Variants in MALRD1 observed in about 807,000 individuals in gnomAD.
The protein encoded by MALRD1 is MAM and LDL receptor class A domain containing 1.
MALRD1 carries 247 observed loss-of-function variants against 242.1 expected under a neutral mutation model. That is an observed-to-expected ratio of 1.02 (90% CI 0.92 to 1.13). The LOEUF (loss-of-function observed/expected upper bound fraction) is 1.13. Ranked by LOEUF, MALRD1 falls within the 50% of genes most tolerant of loss-of-function variation. The pLI is 0.00. For synonymous variants in MALRD1, 995 were observed against 866.6 expected, an observed-to-expected ratio of 1.15 and a Z score of -2.60; for missense variants, 2,989 against 2,533.1, an observed-to-expected ratio of 1.18 and a Z score of -3.86.
chr10:19,531,056 A>G (rs375521097), intron 31 of MALRD1, 138 bp from the exon 32 acceptor site: 1 of 669,566 alleles, frequency 1.5e-6, no homozygotes, highest in East Asian at 2.9e-5. Context: ...TTGATATATG[A>G]CTCCCAAAAT....
chr10:19,543,334 G>C (rs1367057418), intron 32 of MALRD1, among the ~76,000 whole-genome samples: 1 of 150,646 alleles, frequency 6.6e-6, no homozygotes, highest in African/African-American at 2.4e-5. Context: ...TGCAATCACA[G>C]CTCACTGCAG....
At chr10:19,216,691 A>G (rs1454300836) in intron 18 of MALRD1, among the ~76,000 whole-genome samples, 1 of 151,240 alleles carries the variant, frequency 6.6e-6, no homozygotes, top group Non-Finnish European at 1.5e-5. Context: ...CACGCCTGTA[A>G]TCCCAGCACT....
chr10:19,713,645 G>A (rs1230845366), intron 38 of MALRD1, among the ~76,000 whole-genome samples: 1 of 152,204 alleles, frequency 6.6e-6, no homozygotes, highest in Non-Finnish European at 1.5e-5. Context: ...CAACCCAAGA[G>A]ATTATATGTC....
At chr10:19,494,119 C>T (rs982286029) in intron 30 of MALRD1, among the ~76,000 whole-genome samples, 5 of 152,180 alleles carry the variant, frequency 3.3e-5, no homozygotes, top group Admixed American at 6.5e-5. Context: ...CTGACCACTG[C>T]ACTTAGCGCC....
Position 19,368,897 on chromosome 10 carries a change from G to T in MALRD1, c.4441+16600G>T, listed in dbSNP as rs996692250. 3.4e-3 allele frequency among the ~76,000 whole-genome samples: 496 copies of T among 145,656 alleles called. 4 individuals carry two copies. The highest frequency in any genetic ancestry group is 0.012 in the African/African-American group (477 of 39,090). ...TGTGTGTGTGTGTGTGTGTTTGTGT[G>T]TGTGTGTGTGTGTGTGTGTGTGTGT... On this transcript the variant is annotated intron_variant, in intron 26 of 39. Coordinates refer to ENST00000454679, the MANE Select transcript of MALRD1 (RefSeq NM_001142308.3).
chr10:19,525,694 G>A (rs1488014747), intron 31 of MALRD1, among the ~76,000 whole-genome samples: 4 of 152,148 alleles, frequency 2.6e-5, no homozygotes, highest in Admixed American at 6.5e-5. Flanking sequence ...AAGCAAAAGT[G>A]AAGTATTAAA....
intron 36 of MALRD1, among the ~76,000 whole-genome samples, chr10:19,683,217 T>C (rs1210852819): frequency 6.6e-6 from 1 of 152,186 alleles, no homozygotes; most frequent in African/African-American, 2.4e-5. Context: ...TTTTTACTCT[T>C]TCTAAGTCTT....
intron 28 of MALRD1, among the ~76,000 whole-genome samples, chr10:19,446,495 T>G (rs1157166591): frequency 6.6e-6 from 1 of 152,238 alleles, no homozygotes; most frequent in African/African-American, 2.4e-5. Flanking sequence ...TTCAAACATA[T>G]GAAATGGAAC....
intron 36 of MALRD1, among the ~76,000 whole-genome samples, chr10:19,650,850 A>G (rs1255001711): frequency 6.6e-6 from 1 of 152,162 alleles, no homozygotes; most frequent in Non-Finnish European, 1.5e-5. Flanking sequence ...GTTTAGTATC[A>G]GCGGTTTAGC....
chr10:19,189,555 TC>T lies in MALRD1; in HGVS notation c.1952-14172del, dbSNP rs536548085. ...CTTTATGATCGTTTATGCAAAATCC[TC>T]AACAAAATATTAGCAAAGTTATTTC... On this transcript the variant is annotated intron_variant, in intron 14 of 39. Coordinates refer to ENST00000454679, the MANE Select transcript of MALRD1 (RefSeq NM_001142308.3). Among the ~76,000 whole-genome samples, 250 of 152,236 alleles carry T rather than the reference TC, an allele frequency of 1.6e-3. 1 individual carries two copies. The highest frequency in any genetic ancestry group is 3.2e-3 in the Non-Finnish European group (215 of 68,002).
rs1162705957 is a variant in MALRD1, at chr10:19,530,366, A to AATATTTATATAAATATTAT, written c.5321-796_5321-778dup. 1.8e-4 allele frequency among the ~76,000 whole-genome samples: 19 copies of AATATTTATATAAATATTAT among 106,992 alleles called. 1 individual carries two copies. The highest frequency in any genetic ancestry group is 2.5e-4 in the Non-Finnish European group (15 of 60,954). The allele number at this position is 106,992 out of a possible 152,430, so 70.2% of individuals were successfully genotyped here. On this transcript the variant is annotated intron_variant, in intron 31 of 39. Coordinates refer to ENST00000454679, the MANE Select transcript of MALRD1 (RefSeq NM_001142308.3). Reference sequence around the variant, plus strand: ...TATATAAATATATAATATTTATATAAATATTTATATAAATATTATATATTT... The same window carrying AATATTTATATAAATATTAT: ...TATATAAATATATAATATTTATATAAATATTTATATAAATATTATATATTTATATAAATATTATATATTT...
At chr10:19,331,145 G>A (rs758393134) in intron 23 of MALRD1, among the ~76,000 whole-genome samples, 2 of 152,100 alleles carry the variant, frequency 1.3e-5, no homozygotes, top group Non-Finnish European at 2.9e-5. Flanking sequence ...TAAGCCAGTG[G>A]TGTTGCCACT....
In MALRD1 at chr10:19,054,649, G is replaced by C. The variant is rs1834608638; in HGVS notation, c.199+5512G>C. On this transcript the variant is annotated intron_variant, in intron 1 of 39. Transcript: ENST00000454679. ...TTTAGTTTCCACATGTAGTGAGATT[G>C]TGTGGTATTTGTCTTTTGGTGCCTG... Among the ~76,000 whole-genome samples, 5 of 152,126 alleles carry C rather than the reference G, an allele frequency of 3.3e-5. No individual in the cohort carries two copies. The South Asian group carries it at 1.0e-3, about 32-fold the overall frequency.
At chr10:19,195,068 C>T (rs139364237) in intron 14 of MALRD1, among the ~76,000 whole-genome samples, 68 of 152,288 alleles carry the variant, frequency 4.5e-4, no homozygotes, top group African/African-American at 1.6e-3. Flanking sequence ...ATCCTTTTGT[C>T]CAGTGTATTC....
At chr10:19,128,144 A>G in intron 7 of MALRD1, 77 bp from the exon 8 acceptor site, 2 of 1,080,862 alleles carry the variant, frequency 1.9e-6, no homozygotes, top group Non-Finnish European at 2.4e-6. Flanking sequence ...TGAAAACTTC[A>G]GAAATGTAAT....
intron 18 of MALRD1, among the ~76,000 whole-genome samples, chr10:19,226,709 C>T (rs1232842090): frequency 6.6e-6 from 1 of 151,934 alleles, no homozygotes; most frequent in African/African-American, 2.4e-5. Context: ...AAATAAGTGA[C>T]ACCCAAGTTG....
chr10:19,595,121 C>A, intron 33 of MALRD1, 73 bp from the exon 34 acceptor site: 2 of 1,365,904 alleles, frequency 1.5e-6, no homozygotes, highest in South Asian at 1.6e-5. Flanking sequence ...AGAAATGCAA[C>A]CTGTAATGTC....
chr10:19,403,093 T>C (rs1018677098), intron 28 of MALRD1, among the ~76,000 whole-genome samples: 2 of 152,012 alleles, frequency 1.3e-5, no homozygotes, highest in African/African-American at 2.4e-5. Flanking sequence ...ATTTACAAAG[T>C]GGAAGATTTA....
chr10:19,347,035 A>G lies in MALRD1; in HGVS notation c.3902-736A>G, dbSNP rs140357770. ...TCCTAAATATATAAATGTATAAGGT[A>G]TGACACCTTCATACAACAATGCTCA... On this transcript the variant is annotated intron_variant, in intron 24 of 39. Coordinates refer to ENST00000454679, the MANE Select transcript of MALRD1 (RefSeq NM_001142308.3). Among the ~76,000 whole-genome samples, 519 of 152,304 alleles carry G rather than the reference A, an allele frequency of 3.4e-3. 4 individuals are homozygous for G. Among genetic ancestry groups the G allele is most frequent in the African/African-American group, 0.012 (501 of 41,572 alleles).
Sources: gnomAD v4.1 joint callset for allele counts (sites outside exome capture counted in the v4.1 genomes callset) on GRCh38, gnomAD v4.1.1 for gene constraint, MANE v1.5 for transcripts, NCBI Gene and HGNC (gene_info 2026-07-23, HGNC 2026-07-21) for gene names.